GALNT14: variants seen among roughly 807,000 people sequenced by gnomAD.
GALNT14 encodes polypeptide N-acetylgalactosaminyltransferase 14, also known as UDP-GalNAc:polypeptide N-acetylgalactosaminyltransferase 14.
A neutral mutation model predicts 77.5 loss-of-function variants in GALNT14; 60 were observed. The observed-to-expected ratio is 0.77, with a 90% CI of 0.63 to 0.96. The LOEUF (loss-of-function observed/expected upper bound fraction) is 0.96, where lower values mean the gene tolerates loss of function less well. GALNT14 is among the 40% of genes least tolerant of loss of function. The probability of loss-of-function intolerance (pLI) is 0.00; values close to 1 mark genes in which losing one functional copy is unlikely to be tolerated. For synonymous variants in GALNT14, 280 were observed against 281.7 expected, an observed-to-expected ratio of 0.99 and a Z score of 0.06; for missense variants, 710 against 731.0, an observed-to-expected ratio of 0.97 and a Z score of 0.33.
intron 9 of GALNT14, among the ~76,000 whole-genome samples, chr2:30,935,445 C>A (rs561108735): frequency 2.0e-5 from 3 of 152,326 alleles, no homozygotes; most frequent in African/African-American, 7.2e-5. Context: ...CATCTCAGGT[C>A]TCCTTCAGGC....
intron 1 of GALNT14, among the ~76,000 whole-genome samples, chr2:31,085,033 A>C (rs1396318449): frequency 6.6e-6 from 1 of 152,118 alleles, no homozygotes; most frequent in African/African-American, 2.4e-5. Context: ...TCTAAAAAAA[A>C]AAAAAAGTAA....
At chr2:31,041,936 T>C (rs1673118219) in intron 1 of GALNT14, among the ~76,000 whole-genome samples, 1 of 152,120 alleles carries the variant, frequency 6.6e-6, no homozygotes, top group South Asian at 2.1e-4. Context: ...ACTTGATGTT[T>C]CAGGCCTGGG....
intron 6 of GALNT14, among the ~76,000 whole-genome samples, chr2:30,953,380 T>C (rs946471813): frequency 6.6e-6 from 1 of 150,524 alleles, no homozygotes; most frequent in African/African-American, 2.4e-5. Context: ...ACAATCTCGA[T>C]TCACTGCAAC....
chr2:31,064,040 C>T (rs530412591), intron 1 of GALNT14, among the ~76,000 whole-genome samples: 3 of 152,274 alleles, frequency 2.0e-5, no homozygotes, highest in East Asian at 1.9e-4. Flanking sequence ...TTTGCTTTTG[C>T]AGATGGCAAA....
chr2:30,911,169 A>G, intron 14 of GALNT14, 110 bp from the exon 15 acceptor site: 1 of 956,074 alleles, frequency 1.0e-6, no homozygotes, highest in Admixed American at 2.4e-5. Context: ...GAGAGACTTG[A>G]TTTCATGGTT....
chr2:31,084,033 G>C (rs1431835671), intron 1 of GALNT14, among the ~76,000 whole-genome samples: 3 of 152,168 alleles, frequency 2.0e-5, no homozygotes, highest in African/African-American at 4.8e-5. Flanking sequence ...CCCAGTAGGG[G>C]AGAAAGAGCG....
intron 1 of GALNT14, among the ~76,000 whole-genome samples, chr2:31,134,858 T>C (rs1679158551): frequency 6.6e-6 from 1 of 152,226 alleles, no homozygotes; most frequent in African/African-American, 2.4e-5. Flanking sequence ...ATTCTTGTCC[T>C]GATGCTGCCA....
At chr2:31,024,930 C>G (rs1238715042) in intron 1 of GALNT14, among the ~76,000 whole-genome samples, 4 of 152,112 alleles carry the variant, frequency 2.6e-5, no homozygotes, top group African/African-American at 7.2e-5. Flanking sequence ...AGAGGGAGGC[C>G]CAGACCAAAA....
At chr2:31,079,360 T>C (rs529665242) in intron 1 of GALNT14, among the ~76,000 whole-genome samples, 6 of 152,318 alleles carry the variant, frequency 3.9e-5, no homozygotes, top group African/African-American at 1.4e-4. Flanking sequence ...TTCAGAGTTC[T>C]GAGCTAAGAA....
chr2:30,908,989 G>C (rs1664224776), downstream of GALNT14, among the ~76,000 whole-genome samples: 1 of 151,964 alleles, frequency 6.6e-6, no homozygotes, highest in East Asian at 1.9e-4. Context: ...ATGGTGCTGG[G>C]AAAACTGGCT....
intron 1 of GALNT14, chr2:31,129,198 C>T (rs1171233503): frequency 1.5e-5 from 3 of 198,970 alleles, no homozygotes; most frequent in South Asian, 3.5e-4. Flanking sequence ...GCTGATTAGG[C>T]TAGCTTGCCC....
Position 31,090,481 on chromosome 2 carries a change from CTTTTTTTTTTTTTTT to C in GALNT14, c.129+47462_129+47476del, listed in dbSNP as rs70962302. On this transcript the variant is annotated intron_variant, in intron 1 of 14. Coordinates refer to ENST00000349752, the MANE Select transcript of GALNT14 (RefSeq NM_024572.4). ...GCACTGCCTAAGGCAGTCCCTTCAT[CTTTTTTTTTTTTTTT>C]TTTTTTTTTTTTGACAGAGTTTCAC... is the stretch of plus-strand genomic sequence containing the variant. Among the ~76,000 whole-genome samples, 22 of 93,258 alleles carry C rather than the reference CTTTTTTTTTTTTTTT, an allele frequency of 2.4e-4. No homozygotes were observed. The East Asian group carries it at 5.6e-3, about 24-fold the overall frequency. The allele number at this position is 93,258 out of a possible 152,430, so 61.2% of individuals were successfully genotyped here. A position where few individuals can be genotyped will look rare whatever the true frequency, so the allele number is the denominator to read the frequency against.
At chr2:31,000,972 A>C (rs1670335290) in intron 1 of GALNT14, among the ~76,000 whole-genome samples, 1 of 152,194 alleles carries the variant, frequency 6.6e-6, no homozygotes, top group Non-Finnish European at 1.5e-5. Context: ...CAAATGAGGA[A>C]AGTGAGGCAC....
chr2:30,892,845 T>A, the GALNT14 span, among the ~76,000 whole-genome samples: 1 of 152,184 alleles, frequency 6.6e-6, no homozygotes, highest in African/African-American at 2.4e-5. Flanking sequence ...TCAGTCTCCA[T>A]GAAACTGTGG....
chr2:31,019,288 C>A (rs1351069026), intron 1 of GALNT14, among the ~76,000 whole-genome samples: 2 of 152,124 alleles, frequency 1.3e-5, no homozygotes, highest in South Asian at 4.1e-4. Flanking sequence ...AATTTAAATT[C>A]CAGCTTGGGT....
chr2:31,004,610 G>A (rs952067094), intron 1 of GALNT14, among the ~76,000 whole-genome samples: 17 of 152,192 alleles, frequency 1.1e-4, no homozygotes, highest in Admixed American at 2.6e-4. Flanking sequence ...AGAGAAAGGA[G>A]GCCAAATCCT....
intron 1 of GALNT14, among the ~76,000 whole-genome samples, chr2:31,086,795 C>T (rs906713928): frequency 2.6e-5 from 4 of 152,096 alleles, no homozygotes; most frequent in African/African-American, 9.7e-5. Context: ...ATAATTCCAC[C>T]ACTCCCTCAT....
At position 30,944,863 on chromosome 2, in the gene GALNT14, G is replaced by A. The variant is rs780985155; in HGVS notation, c.822C>T (p.Pro274=). The part of the protein sequence containing the change: ...QKARRLDPTE[P]IRTPIIAGGL... The stretch of plus-strand genomic sequence containing the variant: ...CACAGACTCTTCCCACTTACCTGAT[G>A]GGCTCCGTGGGGTCCAGGCGCCGAG... Residue 274 remains proline (P), a synonymous_variant, in exon 8 of 15, where the codon CCC becomes CCT. Coordinates refer to ENST00000349752, the MANE Select transcript of GALNT14 (RefSeq NM_024572.4). 1.9e-6 allele frequency: 3 copies of A among 1,604,734 alleles called. No individual in the cohort carries two copies. The Admixed American group carries it at 5.0e-5, about 27-fold the overall frequency.
chr2:31,122,469 C>T (rs1473630073), intron 1 of GALNT14, among the ~76,000 whole-genome samples: 5 of 152,204 alleles, frequency 3.3e-5, no homozygotes, highest in African/African-American at 1.2e-4. Flanking sequence ...GTATGATTCA[C>T]ACAGGCTTTT....
Sources: allele counts gnomAD v4.1 joint callset (sites outside exome capture counted in the v4.1 genomes callset), GRCh38; gene constraint gnomAD v4.1.1; transcripts MANE v1.5; gene names NCBI Gene and HGNC (gene_info 2026-07-23, HGNC 2026-07-21).